The following TOX variants were observed in gnomAD, a reference collection of about 807,000 sequenced individuals.
TOX encodes thymocyte selection-associated high mobility group box protein TOX.
In TOX, 11 loss-of-function variants were observed where a neutral mutation model predicts 53.7. The observed-to-expected ratio is 0.20, with a 90% CI of 0.13 to 0.34. The LOEUF (loss-of-function observed/expected upper bound fraction) is 0.34. TOX is among the 10% of genes least tolerant of loss of function. The probability of loss-of-function intolerance (pLI) is 1.00; values close to 1 mark genes in which losing one functional copy is unlikely to be tolerated. For missense variants in TOX, 570 were observed against 664.6 expected, an observed-to-expected ratio of 0.86 and a Z score of 1.56; for synonymous variants, 225 against 245.3, an observed-to-expected ratio of 0.92 and a Z score of 0.77.
intron 1 of TOX, among the ~76,000 whole-genome samples, chr8:59,075,253 C>A (rs771412020): frequency 6.6e-6 from 1 of 152,048 alleles, no homozygotes; most frequent in Admixed American, 6.5e-5. Context: ...ACATGTCACT[C>A]CAAAAATATG....
chr8:58,968,161 C>T (rs1172888333), intron 1 of TOX, among the ~76,000 whole-genome samples: 1 of 152,110 alleles, frequency 6.6e-6, no homozygotes, highest in Non-Finnish European at 1.5e-5. Flanking sequence ...AATCCATTTT[C>T]ATTATATATT....
chr8:59,077,010 T>C (rs1804304329), intron 1 of TOX, among the ~76,000 whole-genome samples: 1 of 152,206 alleles, frequency 6.6e-6, no homozygotes, highest in South Asian at 2.1e-4. Flanking sequence ...AAAAAGCCAG[T>C]AGCATTTTCT....
intron 3 of TOX, among the ~76,000 whole-genome samples, chr8:58,874,954 G>A (rs1466331963): frequency 6.6e-6 from 1 of 152,188 alleles, no homozygotes; most frequent in East Asian, 1.9e-4. Flanking sequence ...TTTGTGTGGG[G>A]CCACATTCAA....
Position 59,026,451 on chromosome 8 carries a change from T to G in TOX, c.103-66443A>C, listed in dbSNP as rs145961489. Among the ~76,000 whole-genome samples, 314 of 152,332 alleles carry G rather than the reference T, an allele frequency of 2.1e-3. 2 individuals are homozygous for G. Among genetic ancestry groups the G allele is most frequent in the African/African-American group, 7.5e-3 (311 of 41,582 alleles). On this transcript the variant is annotated intron_variant, in intron 1 of 8. Transcript: ENST00000361421. ...AGGAGGCAGGGCACAGGGATGAGATTGATCACTTTTCTGGACTACACGTGC... is the reference window on the plus strand; with the variant it reads ...AGGAGGCAGGGCACAGGGATGAGATGGATCACTTTTCTGGACTACACGTGC...
intron 3 of TOX, among the ~76,000 whole-genome samples, chr8:58,896,674 AAAAATAAAATAAAATAAAAT>A (rs141360838): frequency 6.7e-6 from 1 of 149,348 alleles, no homozygotes. Context: ...AATCCATCTC[AAAAATAAAATAAAATAAAAT>A]AAAATAAAAT....
chr8:59,110,956 T>C (rs892326207), intron 1 of TOX, among the ~76,000 whole-genome samples: 1 of 152,154 alleles, frequency 6.6e-6, no homozygotes, highest in African/African-American at 2.4e-5. Flanking sequence ...ATTCTTTGAA[T>C]TTTTGAACAT....
intron 1 of TOX, among the ~76,000 whole-genome samples, chr8:59,012,861 C>G (rs1271747189): frequency 6.6e-6 from 1 of 150,700 alleles, no homozygotes; most frequent in Admixed American, 6.6e-5. Flanking sequence ...AGCTGGCCAG[C>G]AGACACCTCC....
chr8:58,860,185 C>T (rs1053890548), intron 3 of TOX, among the ~76,000 whole-genome samples: 2 of 152,138 alleles, frequency 1.3e-5, no homozygotes, highest in African/African-American at 2.4e-5. Flanking sequence ...ACCTAGCTGC[C>T]ACTGTTTCTA....
intron 6 of TOX, among the ~76,000 whole-genome samples, chr8:58,825,426 A>G (rs1810349446): frequency 6.6e-6 from 1 of 152,224 alleles, no homozygotes; most frequent in South Asian, 2.1e-4. Context: ...TCTGAAACTG[A>G]ATAGTAAGAA....
At chr8:59,038,271 C>T (rs115410303) in intron 1 of TOX, among the ~76,000 whole-genome samples, 3,326 of 152,232 alleles carry the variant, frequency 0.022, 85 homozygotes, top group South Asian at 0.087. Flanking sequence ...TATGGCTACC[C>T]GAACACAAAG....
chr8:58,886,376 G>C (rs1379824164), intron 3 of TOX, among the ~76,000 whole-genome samples: 1 of 152,058 alleles, frequency 6.6e-6, no homozygotes, highest in Non-Finnish European at 1.5e-5. Context: ...CAAATTTTCT[G>C]AAAGTGTTGA....
chr8:58,855,859 C>G (rs1810905270), intron 3 of TOX, among the ~76,000 whole-genome samples: 1 of 152,184 alleles, frequency 6.6e-6, no homozygotes, highest in African/African-American at 2.4e-5. Context: ...TTTGTTTACG[C>G]TGCTCTGTCA....
chr8:59,053,898 TC>T (rs1803838793), intron 1 of TOX, among the ~76,000 whole-genome samples: 1 of 152,176 alleles, frequency 6.6e-6, no homozygotes. Context: ...TTTTCTCAAG[TC>T]AAAAAAATAT....
At chr8:58,874,802 C>T (rs1023981753) in intron 3 of TOX, among the ~76,000 whole-genome samples, 3 of 152,132 alleles carry the variant, frequency 2.0e-5, no homozygotes, top group Non-Finnish European at 4.4e-5. Context: ...TATATCTAAA[C>T]CAGGGTGTCC....
intron 1 of TOX, among the ~76,000 whole-genome samples, chr8:59,104,742 A>G (rs1002073813): frequency 6.6e-6 from 1 of 152,224 alleles, no homozygotes; most frequent in African/African-American, 2.4e-5. Context: ...AGTCTAAAAA[A>G]TAATTCAAAA....
At chr8:58,857,719 T>A (rs1810938967) in intron 3 of TOX, among the ~76,000 whole-genome samples, 1 of 152,148 alleles carries the variant, frequency 6.6e-6, no homozygotes, top group Non-Finnish European at 1.5e-5. Flanking sequence ...TGAGGCACAA[T>A]ATTAGCTACA....
intron 3 of TOX, among the ~76,000 whole-genome samples, chr8:58,938,562 C>T (rs1466127617): frequency 6.6e-6 from 1 of 151,998 alleles, no homozygotes; most frequent in Non-Finnish European, 1.5e-5. Flanking sequence ...TTTCAGATGA[C>T]ATAAAAATCA....
chr8:58,868,649 G>A (rs751421760), intron 3 of TOX, among the ~76,000 whole-genome samples: 3 of 151,864 alleles, frequency 2.0e-5, no homozygotes, highest in Admixed American at 2.0e-4. Context: ...GAAAATAAAG[G>A]TACAACAATA....
intron 1 of TOX, among the ~76,000 whole-genome samples, chr8:59,114,900 C>T (rs1472443251): frequency 6.6e-6 from 1 of 152,020 alleles, no homozygotes; most frequent in Non-Finnish European, 1.5e-5. Flanking sequence ...TAATGAATCT[C>T]GTTATTCTTA....
Sources: allele counts gnomAD v4.1 joint callset (sites outside exome capture counted in the v4.1 genomes callset), GRCh38; gene constraint gnomAD v4.1.1; transcripts MANE v1.5; gene names NCBI Gene and HGNC (gene_info 2026-07-23, HGNC 2026-07-21).